The following CLEC19A variants were observed in gnomAD, a reference collection of about 807,000 sequenced individuals.
CLEC19A encodes the protein C-type lectin domain family 19 member A.
A neutral mutation model predicts 26.1 loss-of-function variants in CLEC19A; 21 were observed. That is an observed-to-expected ratio of 0.80 (90% CI 0.57 to 1.16). CLEC19A has a LOEUF of 1.16. CLEC19A is among the 50% of genes most tolerant of loss of function. The probability of loss-of-function intolerance (pLI) is 0.00; values close to 1 mark genes in which losing one functional copy is unlikely to be tolerated. For missense variants in CLEC19A, 224 were observed against 227.6 expected (o/e 0.98, Z 0.10); for synonymous variants, 89 against 88.6 (o/e 1.00, Z -0.03).
intron 1 of CLEC19A, among the ~76,000 whole-genome samples, chr16:19,298,218 G>C (rs1897744467): frequency 6.8e-6 from 1 of 148,034 alleles, no homozygotes; most frequent in Admixed American, 6.9e-5. Flanking sequence ...CTCCAGCCTG[G>C]GCAACATGAG....
At chr16:19,304,394 C>T in intron 3 of CLEC19A, 6 of 131,460 alleles carry the variant, frequency 4.6e-5, no homozygotes, top group Admixed American at 4.0e-4. Context: ...CTTGGGTTCT[C>T]TTAAAAAAAA....
At chr16:19,300,075 T>C (rs996051184) in intron 2 of CLEC19A, among the ~76,000 whole-genome samples, 2 of 151,710 alleles carry the variant, frequency 1.3e-5, no homozygotes, top group Non-Finnish European at 2.9e-5. Flanking sequence ...AATACAAAAA[T>C]TAGCCAGGTG....
chr16:19,296,610 T>C (rs983356112), intron 1 of CLEC19A, among the ~76,000 whole-genome samples: 3 of 152,130 alleles, frequency 2.0e-5, no homozygotes, highest in African/African-American at 4.8e-5. Flanking sequence ...AACTTGGGAG[T>C]TGGGAAGCCT....
Position 19,285,785 on chromosome 16 carries a change from C to G in CLEC19A, c.-67C>G, listed in dbSNP as rs1897449751. 6 of 1,415,154 alleles carry G rather than the reference C, an allele frequency of 4.2e-6. No homozygotes were observed. Among genetic ancestry groups the G allele is most frequent in the Non-Finnish European group, 5.8e-6 (6 of 1,026,556 alleles). 87.7% of individuals were successfully genotyped at this position (1,415,154 alleles called of 1,614,324 possible). ...CTGACCCTAGGAGAGCAATCCTGGACCCAAGCTCCAGCCAAAAAGCCTCTC... is the reference window on the plus strand; with the variant it reads ...CTGACCCTAGGAGAGCAATCCTGGAGCCAAGCTCCAGCCAAAAAGCCTCTC... On this transcript the variant is annotated 5_prime_UTR_variant, in exon 1 of 5. Transcript: ENST00000636231.
At chr16:19,301,736 G>GTTTTTTTTTTTTTTTGTTTTT (rs1897829899) in intron 2 of CLEC19A, among the ~76,000 whole-genome samples, 1 of 81,498 alleles carries the variant, frequency 1.2e-5, no homozygotes, top group Non-Finnish European at 2.3e-5. Context: ...GGTTTTTTTG[G>GTTTTTTTTTTTTTTTGTTTTT]TTTTTTTTTT....
At chr16:19,286,130 A>C (rs1897465316) in intron 1 of CLEC19A, among the ~76,000 whole-genome samples, 191 bp downstream of exon 1, 1 of 152,194 alleles carries the variant, frequency 6.6e-6, no homozygotes, top group Non-Finnish European at 1.5e-5. Context: ...CCTGGGTTTG[A>C]ATCCCAGTTT....
At chr16:19,287,417 C>A (rs1332930953) in intron 1 of CLEC19A, among the ~76,000 whole-genome samples, 1 of 152,130 alleles carries the variant, frequency 6.6e-6, no homozygotes, top group Non-Finnish European at 1.5e-5. Context: ...CCTCCCAATA[C>A]CATCACATTG....
intron 2 of CLEC19A, among the ~76,000 whole-genome samples, chr16:19,301,736 G>GTTTTT (rs1171248968): frequency 0.026 from 2,096 of 81,076 alleles, 125 homozygotes; most frequent in South Asian, 0.036. Context: ...GGTTTTTTTG[G>GTTTTT]TTTTTTTTTT....
rs1455705569 is a variant in CLEC19A, at chr16:19,309,738, A to G, written c.*655A>G. 2 of 151,060 alleles carry G rather than the reference A, an allele frequency of 1.3e-5. No homozygotes were observed. Among genetic ancestry groups the G allele is most frequent in the Admixed American group, 6.6e-5 (1 of 15,126 alleles). The allele number at this position is 151,060 out of a possible 1,614,324, so 9.4% of individuals were successfully genotyped here. On this transcript the variant is annotated 3_prime_UTR_variant, in exon 5 of 5. Transcript: ENST00000636231. ...CCTCCTGGGCTCAGGTGATCCTTCCACCTCCAGTCCCCAGAGTAGGTGGGA... is the reference window on the plus strand; with the variant it reads ...CCTCCTGGGCTCAGGTGATCCTTCCGCCTCCAGTCCCCAGAGTAGGTGGGA...
At position 19,301,736 on chromosome 16, in the gene CLEC19A, G is replaced by GTTTTTTTTTTTTTTTT. The variant is rs1171248968; in HGVS notation, c.255-2313_255-2298dup. On this transcript the variant is annotated intron_variant, in intron 2 of 4. Coordinates refer to ENST00000636231, the MANE Select transcript of CLEC19A (RefSeq NM_001256720.2). ...ATGACACCATGCCCAGGTTTTTTTG[G>GTTTTTTTTTTTTTTTT]TTTTTTTTTTTTTTTTTTTTTTTTT... is the stretch of plus-strand genomic sequence containing the variant. Among the ~76,000 whole-genome samples, 141 of 81,462 alleles carry GTTTTTTTTTTTTTTTT rather than the reference G, an allele frequency of 1.7e-3. 8 individuals are homozygous for GTTTTTTTTTTTTTTTT. The highest frequency in any genetic ancestry group is 2.1e-3 in the African/African-American group (44 of 20,914). The allele number at this position is 81,462 out of a possible 152,430, so 53.4% of individuals were successfully genotyped here. A position where few individuals can be genotyped will look rare whatever the true frequency, so the allele number is the denominator to read the frequency against.
chr16:19,291,975 C>T (rs1447807874), intron 1 of CLEC19A, among the ~76,000 whole-genome samples: 1 of 152,184 alleles, frequency 6.6e-6, no homozygotes, highest in Non-Finnish European at 1.5e-5. Context: ...GTGTAAATGG[C>T]TCAAGGAACT....
At chr16:19,298,997 T>C (rs1483482339) in intron 2 of CLEC19A, among the ~76,000 whole-genome samples, 159 bp downstream of exon 2, 2 of 152,224 alleles carry the variant, frequency 1.3e-5, no homozygotes, top group Admixed American at 1.3e-4. Flanking sequence ...ACTCTTGAAC[T>C]CCTGAGCTCA....
chr16:19,306,006 G>C (rs1186563643), intron 3 of CLEC19A, among the ~76,000 whole-genome samples: 1 of 151,960 alleles, frequency 6.6e-6, no homozygotes, highest in Non-Finnish European at 1.5e-5. Flanking sequence ...ACCATGCCCG[G>C]CTAATTTTTT....
At chr16:19,301,735 GGTTTTTTTTTT>G (rs1466773192) in intron 2 of CLEC19A, among the ~76,000 whole-genome samples, 5 of 35,126 alleles carry the variant, frequency 1.4e-4, no homozygotes, top group African/African-American at 4.1e-4. Flanking sequence ...AGGTTTTTTT[GGTTTTTTTTTT>G]TTTTTTTTTT....
intron 1 of CLEC19A, among the ~76,000 whole-genome samples, chr16:19,289,922 C>A (rs1315432435): frequency 1.3e-5 from 2 of 152,174 alleles, no homozygotes; most frequent in African/African-American, 4.8e-5. Flanking sequence ...ACACTTTCTT[C>A]CAGCCCGCTG....
At chr16:19,287,077 G>C (rs1897487881) in intron 1 of CLEC19A, among the ~76,000 whole-genome samples, 1 of 145,280 alleles carries the variant, frequency 6.9e-6, no homozygotes, top group South Asian at 2.2e-4. Flanking sequence ...ATAAGGGATA[G>C]TCTTAGCTCA....
In CLEC19A at chr16:19,301,746, T is replaced by TTTTG. The variant is rs1567255464; in HGVS notation, c.255-2313_255-2312insGTTT. Among the ~76,000 whole-genome samples the TTTTG allele has an allele frequency of 1.1e-4, 13 of 121,970 alleles. 1 individual carries two copies. Among genetic ancestry groups the TTTTG allele is most frequent in the African/African-American group, 4.4e-4 (13 of 29,302 alleles). The allele number at this position is 121,970 out of a possible 152,430, so 80.0% of individuals were successfully genotyped here. A position where few individuals can be genotyped will look rare whatever the true frequency, so the allele number is the denominator to read the frequency against. Reference sequence around the variant, plus strand: ...GCCCAGGTTTTTTTGGTTTTTTTTTTTTTTTTTTTTTTTTTTTTGTATTTT... The same window carrying TTTTG: ...GCCCAGGTTTTTTTGGTTTTTTTTTTTTTGTTTTTTTTTTTTTTTTTTGTATTTT... On this transcript the variant is annotated intron_variant, in intron 2 of 4. Coordinates refer to ENST00000636231, the MANE Select transcript of CLEC19A (RefSeq NM_001256720.2).
chr16:19,301,739 T>TTG (rs1897831412), intron 2 of CLEC19A, among the ~76,000 whole-genome samples: 2 of 93,156 alleles, frequency 2.1e-5, no homozygotes, highest in Non-Finnish European at 3.8e-5. Flanking sequence ...TTTTTTGGTT[T>TTG]TTTTTTTTTT....
At chr16:19,307,399 C>G in intron 3 of CLEC19A, 146 bp from the exon 4 acceptor site, 1 of 821,890 alleles carries the variant, frequency 1.2e-6, no homozygotes, top group Non-Finnish European at 1.9e-6. Flanking sequence ...AGCAGTAGTG[C>G]CAGATAGCAG....
Sources: gnomAD v4.1 joint callset for allele counts (sites outside exome capture counted in the v4.1 genomes callset) on GRCh38, gnomAD v4.1.1 for gene constraint, MANE v1.5 for transcripts, NCBI Gene and HGNC (gene_info 2026-07-23, HGNC 2026-07-21) for gene names.